The following CYP4F22 variants were observed in gnomAD, a reference collection of about 807,000 sequenced individuals.
CYP4F22 encodes cytochrome P450 family 4 subfamily F member 22.
Under a neutral mutation model 60.4 loss-of-function variants are expected in CYP4F22, and 37 were observed. The observed-to-expected ratio is 0.61, with a 90% CI of 0.47 to 0.81. CYP4F22 has a LOEUF of 0.81. Ranked by LOEUF, CYP4F22 falls within the 30% of genes least tolerant of loss-of-function variation. The pLI is 0.00. For synonymous variants in CYP4F22, 258 were observed against 280.5 expected (o/e 0.92, Z 0.80); for missense variants, 655 against 715.0 (o/e 0.92, Z 0.96).
chr19:15,515,391 T>G, intron 1 of CYP4F22: 1 of 1,233,542 alleles, frequency 8.1e-7, no homozygotes, highest in Non-Finnish European at 1.2e-6. Context: ...TTGGCATCTC[T>G]GTACTTTGTT....
At chr19:15,523,407 C>G (rs978493285) in intron 1 of CYP4F22, among the ~76,000 whole-genome samples, 1 of 152,090 alleles carries the variant, frequency 6.6e-6, no homozygotes, top group Admixed American at 6.6e-5. Flanking sequence ...TGAGAACTCA[C>G]TCACTCACTA....
chr19:15,524,372 G>A lies in CYP4F22; in HGVS notation c.-2+573G>A, dbSNP rs180979645. 4.2e-3 allele frequency among the ~76,000 whole-genome samples: 647 copies of A among 152,334 alleles called. 5 individuals are homozygous for A. Among genetic ancestry groups the A allele is most frequent in the African/African-American group, 0.014 (603 of 41,588 alleles). ...TAATGAAAATGTTCTGAAACTAGCT[G>A]GGTGAGGTAGCTCATGCGTGTAATC... On this transcript the variant is annotated intron_variant, in intron 2 of 13. Transcript: ENST00000269703.
intron 6 of CYP4F22, 62 bp from the exon 7 acceptor site, chr19:15,537,810 C>G: frequency 1.9e-6 from 3 of 1,611,888 alleles, no homozygotes; most frequent in Non-Finnish European, 2.5e-6. Context: ...CAGTCGGGTC[C>G]TTGTTAGGCT....
chr19:15,521,346 C>T (rs946802480), intron 1 of CYP4F22, among the ~76,000 whole-genome samples: 1 of 151,464 alleles, frequency 6.6e-6, no homozygotes, highest in African/African-American at 2.4e-5. Context: ...ATTCCTGGGC[C>T]TCAGCCTCCC....
At chr19:15,524,076 A>G (rs1322491194) in intron 2 of CYP4F22, among the ~76,000 whole-genome samples, 2 of 151,928 alleles carry the variant, frequency 1.3e-5, no homozygotes, top group Non-Finnish European at 2.9e-5. Context: ...AAAAAAAAAA[A>G]AAGGAAATGT....
chr19:15,537,254 T>C, intron 4 of CYP4F22, 107 bp from the exon 5 acceptor site: 2 of 1,438,328 alleles, frequency 1.4e-6, no homozygotes, highest in African/African-American at 1.4e-5. Context: ...TGAGTGGAGA[T>C]CGCACCACTG....
Position 15,549,206 on chromosome 19 carries a change from A to G in CYP4F22, c.1335+4A>G. ...CACAGTGTGGCCTGACTCCAAGGTGAGTGCCTGCCCCACTCCTCCCTGCCC... is the reference window on the plus strand; with the variant it reads ...CACAGTGTGGCCTGACTCCAAGGTGGGTGCCTGCCCCACTCCTCCCTGCCC... On this transcript the variant is annotated splice_donor_region_variant and intron_variant, in intron 12 of 13. Transcript: ENST00000269703. 1 of 1,613,996 alleles carries G rather than the reference A, an allele frequency of 6.2e-7. No homozygotes were observed. The highest frequency in any genetic ancestry group is 8.5e-7 in the Non-Finnish European group (1 of 1,179,972).
intron 10 of CYP4F22, 112 bp from the exon 11 acceptor site, chr19:15,547,996 G>GGAGA (rs1239429207): frequency 8.6e-6 from 1 of 116,782 alleles, no homozygotes; most frequent in African/African-American, 6.7e-5. Flanking sequence ...AGAGAGAGAG[G>GGAGA]GAGAGAGTGT....
intron 1 of CYP4F22, among the ~76,000 whole-genome samples, chr19:15,509,281 G>A (rs1429590487): frequency 6.6e-6 from 1 of 152,138 alleles, no homozygotes; most frequent in Non-Finnish European, 1.5e-5. Context: ...AGTTGGCCGA[G>A]GCTGGCCACC....
intron 2 of CYP4F22, among the ~76,000 whole-genome samples, chr19:15,524,817 G>A (rs1431325931): frequency 2.0e-5 from 3 of 152,074 alleles, no homozygotes; most frequent in South Asian, 2.1e-4. Context: ...TGTGTTATGC[G>A]AATCTCATCT....
chr19:15,537,470 A>T (rs1971409502), intron 5 of CYP4F22, 56 bp downstream of exon 5: 1 of 1,614,090 alleles, frequency 6.2e-7, no homozygotes, highest in East Asian at 2.2e-5. Flanking sequence ...AGGGAAGAGC[A>T]TGGGGTTCCT....
chr19:15,517,303 C>T (rs959750113), intron 1 of CYP4F22, among the ~76,000 whole-genome samples: 6 of 152,184 alleles, frequency 3.9e-5, no homozygotes, highest in Admixed American at 2.6e-4. Flanking sequence ...TCATGATTCC[C>T]ATTTTGTAGT....
intron 4 of CYP4F22, among the ~76,000 whole-genome samples, chr19:15,535,961 G>A (rs1180726628): frequency 6.6e-6 from 1 of 152,204 alleles, no homozygotes; most frequent in Non-Finnish European, 1.5e-5. Flanking sequence ...CAGGATGAGG[G>A]AAGAGTGTTT....
At chr19:15,533,974 G>C (rs1258639314) in intron 4 of CYP4F22, among the ~76,000 whole-genome samples, 1 of 152,098 alleles carries the variant, frequency 6.6e-6, no homozygotes, top group Non-Finnish European at 1.5e-5. Context: ...CCTAGGAGTA[G>C]AATTGCCAAG....
chr19:15,516,275 A>G (rs556677825), intron 1 of CYP4F22, among the ~76,000 whole-genome samples: 2 of 152,290 alleles, frequency 1.3e-5, no homozygotes, highest in East Asian at 3.9e-4. Flanking sequence ...CTCGCAGCCC[A>G]TGCCCTTTCC....
At chr19:15,534,238 C>T (rs1173052039) in intron 4 of CYP4F22, among the ~76,000 whole-genome samples, 10 of 152,192 alleles carry the variant, frequency 6.6e-5, no homozygotes, top group African/African-American at 2.4e-4. Flanking sequence ...ATAGGGATGC[C>T]ATGAGGCAAG....
intron 3 of CYP4F22, among the ~76,000 whole-genome samples, chr19:15,528,077 A>G (rs1971301985): frequency 6.6e-6 from 1 of 151,988 alleles, no homozygotes; most frequent in South Asian, 2.1e-4. Context: ...CTCTCAACCC[A>G]TTTTTGGATG....
At chr19:15,517,012 G>A (rs10419316) in intron 1 of CYP4F22, among the ~76,000 whole-genome samples, 37,647 of 151,864 alleles carry the variant, frequency 0.25, 5,307 homozygotes, top group Non-Finnish European at 0.32. Flanking sequence ...GTAGAGAAGG[G>A]GTTTTGCCAT....
chr19:15,509,207 T>C (rs1298277513), intron 1 of CYP4F22, among the ~76,000 whole-genome samples: 2 of 152,116 alleles, frequency 1.3e-5, no homozygotes, highest in African/African-American at 4.8e-5. Flanking sequence ...GATCTTCGTC[T>C]GATAGATGCT....
Sources: gnomAD v4.1 joint callset for allele counts (sites outside exome capture counted in the v4.1 genomes callset) on GRCh38, gnomAD v4.1.1 for gene constraint, MANE v1.5 for transcripts, NCBI Gene and HGNC (gene_info 2026-07-23, HGNC 2026-07-21) for gene names.